STIP1: variants seen among roughly 807,000 people sequenced by gnomAD.
The protein encoded by STIP1 is stress induced phosphoprotein 1.
STIP1 carries 16 observed loss-of-function variants against 77.4 expected under a neutral mutation model. The observed-to-expected ratio is 0.21, with a 90% CI of 0.14 to 0.31. The LOEUF (loss-of-function observed/expected upper bound fraction) is 0.31, where lower values mean the gene tolerates loss of function less well. STIP1 is among the 10% of genes least tolerant of loss of function. The probability of loss-of-function intolerance (pLI) is 1.00; values close to 1 mark genes in which losing one functional copy is unlikely to be tolerated. For synonymous variants in STIP1, 258 were observed against 246.6 expected (o/e 1.05, Z -0.44); for missense variants, 524 against 684.8 (o/e 0.77, Z 2.62).
chr11:64,195,188 G>A (rs960622274), intron 4 of STIP1, among the ~76,000 whole-genome samples: 2 of 151,862 alleles, frequency 1.3e-5, no homozygotes, highest in East Asian at 1.9e-4. Flanking sequence ...ATCTCAGTTC[G>A]CTGCAACTTC....
chr11:64,196,661 T>C (rs1002181863), intron 5 of STIP1, among the ~76,000 whole-genome samples: 7 of 152,168 alleles, frequency 4.6e-5, no homozygotes, highest in Non-Finnish European at 8.8e-5. Context: ...CAGCACTCTT[T>C]TAGAGCAGAA....
chr11:64,187,091 T>G (rs1946031309), intron 1 of STIP1, among the ~76,000 whole-genome samples: 1 of 152,036 alleles, frequency 6.6e-6, no homozygotes, highest in Admixed American at 6.6e-5. Context: ...TGTAGACAAT[T>G]TACAGAGATC....
At chr11:64,199,336 C>A (rs773744789) in intron 8 of STIP1, among the ~76,000 whole-genome samples, 1 of 150,768 alleles carries the variant, frequency 6.6e-6, no homozygotes, top group Non-Finnish European at 1.5e-5. Flanking sequence ...AACTCTGTCT[C>A]TACTAAATAA....
chr11:64,186,095 G>A, upstream of STIP1: 1 of 1,550,214 alleles, frequency 6.5e-7, no homozygotes, highest in Non-Finnish European at 8.7e-7. Context: ...GCCAATAGTA[G>A]AGCAGCACAG....
At chr11:64,197,628 C>T (rs779206481) in intron 7 of STIP1, 33 bp downstream of exon 7, 4 of 1,610,458 alleles carry the variant, frequency 2.5e-6, no homozygotes, top group Non-Finnish European at 3.4e-6. Context: ...CCTTGAGTAG[C>T]GCGGAGGGTT....
At chr11:64,185,862 C>T, upstream of STIP1, 1 of 1,536,166 alleles carries the variant, frequency 6.5e-7, no homozygotes, top group Non-Finnish European at 8.7e-7. Context: ...GTGGAAATTT[C>T]CAGAACGATC....
At chr11:64,200,389 CATG>C in intron 10 of STIP1, 96 bp downstream of exon 10, 1 of 1,510,360 alleles carries the variant, frequency 6.6e-7, no homozygotes, top group Non-Finnish European at 8.9e-7. Context: ...TGATGATGAT[CATG>C]ATGTTTGAGA....
upstream of STIP1, chr11:64,186,121 G>A: frequency 6.4e-7 from 1 of 1,550,750 alleles, no homozygotes; most frequent in Non-Finnish European, 8.7e-7. Flanking sequence ...CCCCCTAGAA[G>A]AACTCGACCA....
chr11:64,198,062 C>CTTTTT (rs35235491), intron 8 of STIP1, 88 bp downstream of exon 8: 20 of 1,300,096 alleles, frequency 1.5e-5, no homozygotes, highest in South Asian at 9.8e-5. Context: ...ATGAACTTGA[C>CTTTTT]TTTTTTTTTT....
chr11:64,200,654 A>T (rs1305601119), intron 10 of STIP1, among the ~76,000 whole-genome samples: 1 of 149,984 alleles, frequency 6.7e-6, no homozygotes, highest in African/African-American at 2.5e-5. Context: ...TATCTATCTA[A>T]CTGGTCCTGG....
rs766912416 is a variant in STIP1 at position 64,197,531 on chromosome 11, G to C, written c.838G>C (p.Glu280Gln). The change falls in exon 7 of 14, where the codon GAG becomes CAG. Residue 280 changes from glutamate (E) to glutamine (Q), a missense_variant. By Grantham distance (29) the Glu-to-Gln change is conservative (BLOSUM62 2). Coordinates refer to ENST00000305218, the MANE Select transcript of STIP1 (RefSeq NM_006819.3). ...FEKGDYNKCR[E>Q]LCEKAIEVGR... Reference sequence around the variant, plus strand: ...AAAGGGCGACTACAATAAGTGCCGGGAGCTTTGTGAGAAGGCCATTGAAGT... The same window carrying C: ...AAAGGGCGACTACAATAAGTGCCGGCAGCTTTGTGAGAAGGCCATTGAAGT... 1.5e-5 allele frequency: 24 copies of C among 1,614,182 alleles called. No individual in the cohort carries two copies. In the South Asian group the frequency reaches 2.3e-4, roughly 16 times the overall value.
intron 13 of STIP1, 73 bp downstream of exon 13, chr11:64,203,695 G>T (rs768066230): frequency 3.8e-6 from 6 of 1,582,662 alleles, no homozygotes; most frequent in South Asian, 2.2e-5. Flanking sequence ...ACGCGGCTGG[G>T]GGGTGGTATG....
upstream of STIP1, chr11:64,185,666 C>G (rs912507906): frequency 4.0e-6 from 4 of 1,011,154 alleles, no homozygotes; most frequent in Middle Eastern, 3.1e-4. Flanking sequence ...CAGCCGCCGG[C>G]GACACAGCTA....
chr11:64,203,688 C>T (rs775754040), intron 13 of STIP1, 66 bp downstream of exon 13: 8 of 1,595,536 alleles, frequency 5.0e-6, no homozygotes, highest in African/African-American at 2.7e-5. Flanking sequence ...TGAGTGCACG[C>T]GGCTGGGGGG....
At chr11:64,198,010 T>C in intron 8 of STIP1, 36 bp downstream of exon 8, 2 of 1,579,714 alleles carry the variant, frequency 1.3e-6, no homozygotes, top group East Asian at 2.2e-5. Flanking sequence ...TTTCTTGTTT[T>C]CCTAATAATT....
At chr11:64,186,098 C>A, upstream of STIP1, 2 of 1,550,194 alleles carry the variant, frequency 1.3e-6, no homozygotes, top group South Asian at 2.4e-5. Flanking sequence ...AATAGTAGAG[C>A]AGCACAGACA....
chr11:64,196,442 T>C (rs1296556972), intron 5 of STIP1, among the ~76,000 whole-genome samples: 4 of 144,900 alleles, frequency 2.8e-5, no homozygotes, highest in Non-Finnish European at 3.0e-5. Context: ...CTAGGAGTAA[T>C]GTGTAGCAAA....
chr11:64,203,211 C>A lies in STIP1; in HGVS notation c.1369C>A (p.Leu457Met). 3.1e-6 allele frequency: 5 copies of A among 1,614,050 alleles called. No homozygotes were observed. The highest frequency in any genetic ancestry group is 4.2e-6 in the Non-Finnish European group (5 of 1,180,044). The change falls in exon 12 of 14, where the codon CTG (leucine) becomes ATG (methionine). Residue 457 changes from leucine to methionine, a missense_variant. Transcript: ENST00000305218. ...GGATGTGTACCAGAAGGCGCTAGAC[C>A]TGGACTCCAGCTGTAAGGTGGGGCT... ...AMDVYQKALDLDSSCKEAADG... is the reference protein window; with the variant it reads ...AMDVYQKALDMDSSCKEAADG...
intron 12 of STIP1, 93 bp from the exon 13 acceptor site, chr11:64,203,357 C>T (rs2134812799): frequency 5.0e-6 from 8 of 1,586,930 alleles, no homozygotes; most frequent in South Asian, 1.1e-5. Flanking sequence ...TGTTCTCTCT[C>T]CCCTTGTCAG....
Sources: allele counts gnomAD v4.1 joint callset (sites outside exome capture counted in the v4.1 genomes callset), GRCh38; gene constraint gnomAD v4.1.1; transcripts MANE v1.5; gene names NCBI Gene and HGNC (gene_info 2026-07-23, HGNC 2026-07-21).